The following AMOTL1 variants were observed in gnomAD, a reference collection of about 807,000 sequenced individuals.
AMOTL1 encodes angiomotin-like protein 1.
In AMOTL1, 45 loss-of-function variants were observed where a neutral mutation model predicts 102.9. The observed-to-expected ratio is 0.44, with a 90% CI of 0.34 to 0.56. The LOEUF (loss-of-function observed/expected upper bound fraction) is 0.56, where lower values mean the gene tolerates loss of function less well. Ranked by LOEUF, AMOTL1 falls within the 20% of genes least tolerant of loss-of-function variation. AMOTL1 has a pLI of 0.01. For missense variants in AMOTL1, 1,114 were observed against 1,225.6 expected, an observed-to-expected ratio of 0.91 and a Z score of 1.36; for synonymous variants, 481 against 484.7, an observed-to-expected ratio of 0.99 and a Z score of 0.10.
chr11:94,822,165 A>AGGCCATG (rs1226234654), intron 4 of AMOTL1, among the ~76,000 whole-genome samples: 2 of 152,146 alleles, frequency 1.3e-5, no homozygotes, highest in Non-Finnish European at 2.9e-5. Context: ...AACACGGAGG[A>AGGCCATG]GGCCATGCGC....
intron 2 of AMOTL1, among the ~76,000 whole-genome samples, chr11:94,735,557 T>G (rs940527939): frequency 6.6e-6 from 1 of 152,238 alleles, no homozygotes; most frequent in Non-Finnish European, 1.5e-5. Flanking sequence ...TATACTTTCT[T>G]GCCTTCCTAA....
At chr11:94,738,739 G>A (rs1285986807) in intron 2 of AMOTL1, among the ~76,000 whole-genome samples, 1 of 152,190 alleles carries the variant, frequency 6.6e-6, no homozygotes, top group African/African-American at 2.4e-5. Context: ...CATAAGGAAG[G>A]AAGGAGGGTC....
At chr11:94,821,393 A>G in intron 3 of AMOTL1, 137 bp from the exon 4 acceptor site, 1 of 891,138 alleles carries the variant, frequency 1.1e-6, no homozygotes, top group East Asian at 2.7e-5. Flanking sequence ...ATGGGAGCAC[A>G]GTGAATACCT....
chr11:94,859,088 G>T (rs1952722938), intron 8 of AMOTL1, among the ~76,000 whole-genome samples: 1 of 152,132 alleles, frequency 6.6e-6, no homozygotes, highest in South Asian at 2.1e-4. Context: ...AGCCTTAGCG[G>T]AAACAAACAA....
intron 6 of AMOTL1, among the ~76,000 whole-genome samples, chr11:94,838,982 C>T (rs1952240025): frequency 6.6e-6 from 1 of 152,204 alleles, no homozygotes. Flanking sequence ...CATAAATTCT[C>T]ACCATAAGGA....
intron 1 of AMOTL1, among the ~76,000 whole-genome samples, chr11:94,794,506 G>C (rs1415729513): frequency 6.6e-6 from 1 of 152,240 alleles, no homozygotes; most frequent in Admixed American, 6.5e-5. Flanking sequence ...GACTCCAGAA[G>C]TCTTTGAGTG....
At chr11:94,823,087 A>G (rs1951898482) in intron 4 of AMOTL1, among the ~76,000 whole-genome samples, 1 of 152,224 alleles carries the variant, frequency 6.6e-6, no homozygotes, top group Non-Finnish European at 1.5e-5. Context: ...TTCATGAGTT[A>G]GTGGTGATTT....
intron 6 of AMOTL1, among the ~76,000 whole-genome samples, chr11:94,840,681 T>TATATATATATACACACAC (rs1166713705): frequency 9.5e-6 from 1 of 104,810 alleles, no homozygotes; most frequent in African/African-American, 4.0e-5. Flanking sequence ...TATATATATA[T>TATATATATATACACACAC]ACACACACAC....
intron 3 of AMOTL1, among the ~76,000 whole-genome samples, chr11:94,819,704 C>A (rs1048526918): frequency 6.6e-6 from 1 of 152,130 alleles, no homozygotes; most frequent in Non-Finnish European, 1.5e-5. Flanking sequence ...CAAGCTGTAC[C>A]CAGACCACCT....
In AMOTL1 at chr11:94,873,688, A is replaced by G. The variant is rs1422177772; in HGVS notation, c.*2893A>G. Reference sequence around the variant, plus strand: ...AACAAAGTTTGGAGAGGCACTGGGCATAGACCCTGGCTGTACAGCCTCTAA... The same window carrying G: ...AACAAAGTTTGGAGAGGCACTGGGCGTAGACCCTGGCTGTACAGCCTCTAA... On this transcript the variant is annotated 3_prime_UTR_variant, in exon 13 of 13. Transcript: ENST00000433060. 1 of 152,118 alleles carries G rather than the reference A, an allele frequency of 6.6e-6. No homozygotes were observed. The highest frequency in any genetic ancestry group is 1.5e-5 in the Non-Finnish European group (1 of 68,044). 9.4% of individuals were successfully genotyped at this position (152,118 alleles called of 1,614,324 possible).
intron 2 of AMOTL1, among the ~76,000 whole-genome samples, chr11:94,796,501 T>A (rs1951368548): frequency 6.6e-6 from 1 of 151,960 alleles, no homozygotes; most frequent in Admixed American, 6.6e-5. Flanking sequence ...GCAATATGGA[T>A]TGAAAGGAGA....
chr11:94,774,200 A>G (rs1412476510), intron 1 of AMOTL1, among the ~76,000 whole-genome samples: 2 of 152,222 alleles, frequency 1.3e-5, no homozygotes, highest in Non-Finnish European at 2.9e-5. Context: ...GTTCTTACTC[A>G]TGGAAGTGTT....
intron 3 of AMOTL1, among the ~76,000 whole-genome samples, chr11:94,818,126 T>C (rs1329879941): frequency 1.3e-5 from 2 of 152,218 alleles, no homozygotes; most frequent in Non-Finnish European, 2.9e-5. Flanking sequence ...TAGGACACAA[T>C]TGGAGACACT....
intron 1 of AMOTL1, among the ~76,000 whole-genome samples, chr11:94,724,615 T>C (rs933699264): frequency 6.6e-6 from 1 of 152,180 alleles, no homozygotes; most frequent in Non-Finnish European, 1.5e-5. Context: ...TATGTTGTTC[T>C]GTAATGATAC....
intron 3 of AMOTL1, among the ~76,000 whole-genome samples, chr11:94,743,750 C>T (rs1950558260): frequency 6.9e-6 from 1 of 145,320 alleles, no homozygotes; most frequent in African/African-American, 2.6e-5. Flanking sequence ...CCTCTGTCTC[C>T]TGGGTTCAAC....
chr11:94,707,214 G>GTCTCTCTCTC (rs56290112), intron 1 of AMOTL1, among the ~76,000 whole-genome samples: 2 of 132,248 alleles, frequency 1.5e-5, no homozygotes, highest in African/African-American at 6.2e-5. Context: ...TATACATGAG[G>GTCTCTCTCTC]TCTCTCTCTC....
chr11:94,761,843 A>C (rs909830971), intron 3 of AMOTL1, among the ~76,000 whole-genome samples: 1 of 152,218 alleles, frequency 6.6e-6, no homozygotes, highest in Non-Finnish European at 1.5e-5. Context: ...TCTGTAGTGC[A>C]TATTCTGGAG....
In AMOTL1 at chr11:94,872,924, T is replaced by C. The variant is rs1953028446; in HGVS notation, c.*2129T>C. 1 of 152,162 alleles carries C rather than the reference T, an allele frequency of 6.6e-6. No individual in the cohort carries two copies. Among genetic ancestry groups the C allele is most frequent in the Admixed American group, 6.5e-5 (1 of 15,276 alleles). 9.4% of individuals were successfully genotyped at this position (152,162 alleles called of 1,614,324 possible). On this transcript the variant is annotated 3_prime_UTR_variant, in exon 13 of 13. Coordinates refer to ENST00000433060, the MANE Select transcript of AMOTL1 (RefSeq NM_130847.3). ...ATTTCATAGGAGATGAGTTAGGAGATGACAGCTAACTCTCTTAAGGACATT... is the reference window on the plus strand; with the variant it reads ...ATTTCATAGGAGATGAGTTAGGAGACGACAGCTAACTCTCTTAAGGACATT...
At chr11:94,785,320 G>A (rs1951169115) in intron 1 of AMOTL1, among the ~76,000 whole-genome samples, 1 of 152,152 alleles carries the variant, frequency 6.6e-6, no homozygotes, top group African/African-American at 2.4e-5. Context: ...AGTCAAAAGA[G>A]CTTTTCTGTT....
Sources: gnomAD v4.1 joint callset for allele counts (sites outside exome capture counted in the v4.1 genomes callset) on GRCh38, gnomAD v4.1.1 for gene constraint, MANE v1.5 for transcripts, NCBI Gene and HGNC (gene_info 2026-07-23, HGNC 2026-07-21) for gene names.